The following EED variants were observed in gnomAD, a reference collection of about 807,000 sequenced individuals.
The protein encoded by EED is embryonic ectoderm development.
A neutral mutation model predicts 61.0 loss-of-function variants in EED; 9 were observed. The observed-to-expected ratio is 0.15, with a 90% confidence interval of 0.09 to 0.26. The LOEUF is 0.26. EED is among the 10% of genes least tolerant of loss of function. The pLI is 1.00. For synonymous variants in EED, 187 were observed against 174.4 expected (o/e 1.07, Z -0.57); for missense variants, 315 against 542.3 (o/e 0.58, Z 4.16).
Position 86,245,209 on chromosome 11 carries a change from C to G in EED, c.-21C>G. Reference sequence around the variant, plus strand: ...GAGGCCCCGCCCCAGGCGGCAGGAACCTGGAGGGAGGCGGAGGAATATGTC... The same window carrying G: ...GAGGCCCCGCCCCAGGCGGCAGGAAGCTGGAGGGAGGCGGAGGAATATGTC... On this transcript the variant is annotated 5_prime_UTR_variant, in exon 1 of 12. Coordinates refer to ENST00000263360, the MANE Select transcript of EED (RefSeq NM_003797.5). The G allele has an allele frequency of 1.2e-6, 2 of 1,604,668 alleles. No individual in the cohort carries two copies. Among genetic ancestry groups the G allele is most frequent in the Admixed American group, 1.7e-5 (1 of 59,336 alleles).
At chr11:86,276,774 C>T (rs1393488983) in intron 9 of EED, 3 of 376,716 alleles carry the variant, frequency 8.0e-6, no homozygotes, top group South Asian at 1.2e-4. Context: ...TTTGTATTAT[C>T]GAATTCTGTT....
At chr11:86,280,491 A>G (rs1220097269), downstream of EED, among the ~76,000 whole-genome samples, 1 of 152,206 alleles carries the variant, frequency 6.6e-6, no homozygotes, top group African/African-American at 2.4e-5. Flanking sequence ...TTATCTCATT[A>G]GCCTACAAAA....
chr11:86,285,246 G>A, the EED span, among the ~76,000 whole-genome samples: 3 of 151,944 alleles, frequency 2.0e-5, no homozygotes, highest in Non-Finnish European at 2.9e-5. Flanking sequence ...ATAGCAAGAC[G>A]CTGTCTCTAC....
At chr11:86,275,485 T>C (rs1202176013) in intron 9 of EED, among the ~76,000 whole-genome samples, 1 of 152,202 alleles carries the variant, frequency 6.6e-6, no homozygotes, top group African/African-American at 2.4e-5. Flanking sequence ...CGCAAGGCCC[T>C]GGGAATTGGT....
Position 86,245,312 on chromosome 11 carries a change from A to T in EED, c.83A>T (p.Asn28Ile). 2 of 1,613,256 alleles carry T rather than the reference A, an allele frequency of 1.2e-6. No individual in the cohort carries two copies. The highest frequency in any genetic ancestry group is 1.7e-6 in the Non-Finnish European group (2 of 1,179,826). ...AAGCAGAAGCTGAGCAGTGACGAGA[A>T]CAGCAATCCAGACCTCTCTGGAGAC... ...AKKQKLSSDE[N>I]SNPDLSGDEN... The change falls in exon 1 of 12, where the codon AAC (asparagine) becomes ATC (isoleucine). Residue 28 changes from asparagine (N) to isoleucine (I), a missense_variant. Transcript: ENST00000263360.
chr11:86,245,145 G>T lies in EED; in HGVS notation c.-85G>T. The T allele has an allele frequency of 1.8e-6, 2 of 1,141,980 alleles. No individual in the cohort carries two copies. Among genetic ancestry groups the T allele is most frequent in the South Asian group, 1.4e-5 (1 of 71,430 alleles). 70.7% of individuals were successfully genotyped at this position (1,141,980 alleles called of 1,614,324 possible). ...GTGGCGGCGGCAGCGGCAACTTTGC[G>T]GCAAGCTCGGGCCGGGCTTGCTTGA... On this transcript the variant is annotated 5_prime_UTR_variant, in exon 1 of 12. Transcript: ENST00000263360.
chr11:86,266,246 CTAT>C, intron 8 of EED, 30 bp downstream of exon 8: 1 of 1,550,102 alleles, frequency 6.5e-7, no homozygotes, highest in African/African-American at 1.4e-5. Flanking sequence ...AAACAATTTG[CTAT>C]GTTGTGCTAT....
At chr11:86,249,663 G>T (rs1284753528) in intron 1 of EED, among the ~76,000 whole-genome samples, 1 of 137,666 alleles carries the variant, frequency 7.3e-6, no homozygotes, top group African/African-American at 2.7e-5. Flanking sequence ...TGATTTATGA[G>T]TATTATTACT....
the EED span, among the ~76,000 whole-genome samples, chr11:86,286,729 T>C: frequency 6.6e-6 from 1 of 151,858 alleles, no homozygotes; most frequent in South Asian, 2.1e-4. Flanking sequence ...TCCCAGCACT[T>C]TGGGAGGCCG....
At chr11:86,247,768 G>T (rs1466040153) in intron 1 of EED, among the ~76,000 whole-genome samples, 17 of 152,208 alleles carry the variant, frequency 1.1e-4, no homozygotes, top group Admixed American at 1.1e-3. Flanking sequence ...TTACTCTTGA[G>T]GGAGCCAAAT....
At chr11:86,250,970 TA>T (rs1480681779) in intron 2 of EED, among the ~76,000 whole-genome samples, 1 of 152,112 alleles carries the variant, frequency 6.6e-6, no homozygotes, top group Non-Finnish European at 1.5e-5. Flanking sequence ...TTTGGTTATT[TA>T]AATTAATCTG....
intron 7 of EED, 147 bp from the exon 8 acceptor site, chr11:86,265,936 G>A: frequency 1.8e-6 from 1 of 570,482 alleles, no homozygotes; most frequent in East Asian, 3.1e-5. Context: ...AGTAAACTCT[G>A]ATTTATGGCC....
chr11:86,279,224 T>C (rs1376947), downstream of EED, among the ~76,000 whole-genome samples: 44,200 of 152,094 alleles, frequency 0.29, 6,791 homozygotes, highest in Non-Finnish European at 0.36. Flanking sequence ...GTTTAAAAAA[T>C]ATTACTGCCA....
At chr11:86,282,546 G>A (rs1040555460), downstream of EED, among the ~76,000 whole-genome samples, 1 of 152,126 alleles carries the variant, frequency 6.6e-6, no homozygotes, top group African/African-American at 2.4e-5. Flanking sequence ...AAGTCTTTGT[G>A]TAACTCTCAG....
intron 2 of EED, 21 bp downstream of exon 2, chr11:86,250,469 T>G: frequency 6.5e-7 from 1 of 1,544,422 alleles, no homozygotes; most frequent in Non-Finnish European, 8.7e-7. Flanking sequence ...AAAAAGATCC[T>G]TTGGGCTGAA....
At chr11:86,246,777 G>A (rs558739517) in intron 1 of EED, among the ~76,000 whole-genome samples, 2 of 152,268 alleles carry the variant, frequency 1.3e-5, no homozygotes, top group East Asian at 1.9e-4. Flanking sequence ...ACAGATGCTG[G>A]ATCCAAGTGA....
At chr11:86,283,864 AAAAG>A in the EED span, 2 of 151,916 alleles carry the variant, frequency 1.3e-5, no homozygotes, top group East Asian at 1.9e-4. Flanking sequence ...AAAAAAAAAA[AAAAG>A]AGAATGAAGT....
At chr11:86,268,048 T>C (rs1946026294) in intron 8 of EED, 1 of 154,484 alleles carries the variant, frequency 6.5e-6, no homozygotes, top group Non-Finnish European at 1.4e-5. Context: ...AGTGTAGATA[T>C]ATTGACTTTC....
rs377128958 is a variant in EED, at chr11:86,250,370, T to G, written c.189T>G (p.Pro63=). 5 of 1,608,392 alleles carry G rather than the reference T, an allele frequency of 3.1e-6. No homozygotes were observed. The highest frequency in any genetic ancestry group is 3.4e-6 in the Non-Finnish European group (4 of 1,177,686). ...CACCTACAAACACGCCAAATGCACC[T>G]GGAAGGAAAAGTTGGGGAAAGGGAA... ...PDTPTNTPNA[P]GRKSWGKGKW... The change falls in exon 2 of 12, where the codon CCT becomes CCG. Residue 63 remains proline, a synonymous_variant. Coordinates refer to ENST00000263360, the MANE Select transcript of EED (RefSeq NM_003797.5).
Sources: gnomAD v4.1 joint callset for allele counts (sites outside exome capture counted in the v4.1 genomes callset) on GRCh38, gnomAD v4.1.1 for gene constraint, MANE v1.5 for transcripts, NCBI Gene and HGNC (gene_info 2026-07-23, HGNC 2026-07-21) for gene names.